Variants in TMEM232 observed in about 807,000 individuals in gnomAD.
The protein encoded by TMEM232 is transmembrane protein 232.
A neutral mutation model predicts 78.8 loss-of-function variants in TMEM232; 80 were observed. The ratio of observed to expected loss-of-function variants is 1.01; its 90% CI spans 0.85 to 1.22. TMEM232 has a LOEUF of 1.22. TMEM232 is among the 50% of genes most tolerant of loss of function. The pLI, the probability that TMEM232 is intolerant of heterozygous loss-of-function variation, is 0.00. For synonymous variants in TMEM232, 297 were observed against 254.3 expected, an observed-to-expected ratio of 1.17 and a Z score of -1.60; for missense variants, 881 against 742.2, an observed-to-expected ratio of 1.19 and a Z score of -2.17.
intron 12 of TMEM232, among the ~76,000 whole-genome samples, chr5:110,526,520 C>T (rs1770628265): frequency 6.6e-6 from 1 of 151,840 alleles, no homozygotes; most frequent in African/African-American, 2.4e-5. Flanking sequence ...CCATATTTTA[C>T]CTCTCAGATT....
intron 1 of TMEM232, among the ~76,000 whole-genome samples, chr5:110,691,553 C>A (rs1334066775): frequency 2.0e-5 from 3 of 152,158 alleles, no homozygotes; most frequent in Non-Finnish European, 4.4e-5. Flanking sequence ...TTCAGGTTAG[C>A]CATATGCATA....
intron 10 of TMEM232, among the ~76,000 whole-genome samples, chr5:110,585,172 G>A (rs893512878): frequency 6.6e-6 from 1 of 152,064 alleles, no homozygotes; most frequent in Non-Finnish European, 1.5e-5. Context: ...AAGTTCCAGC[G>A]TGTGTTTTTA....
chr5:110,390,230 A>G (rs1161863579), intron 4 of TMEM232, among the ~76,000 whole-genome samples: 1 of 152,212 alleles, frequency 6.6e-6, no homozygotes, highest in Non-Finnish European at 1.5e-5. Flanking sequence ...AATGGGAATT[A>G]TAAGGTTTGA....
chr5:110,420,782 A>ACAAT, intron 13 of TMEM232, 26 bp from the exon 14 acceptor site: 1 of 1,486,558 alleles, frequency 6.7e-7, no homozygotes, highest in Non-Finnish European at 8.8e-7. Flanking sequence ...AACGTCATTC[A>ACAAT]CATGATTTTC....
chr5:110,725,550 G>A (rs1389097626), intron 1 of TMEM232: 1 of 152,104 alleles, frequency 6.6e-6, no homozygotes, highest in Non-Finnish European at 1.5e-5. Flanking sequence ...AGATCATAAG[G>A]GTCCATGCAG....
chr5:110,634,638 A>G (rs1441036829), intron 5 of TMEM232, among the ~76,000 whole-genome samples: 1 of 152,042 alleles, frequency 6.6e-6, no homozygotes, highest in Non-Finnish European at 1.5e-5. Context: ...TAAAAAAAAA[A>G]GTTTTGAAAC....
At chr5:110,673,049 A>T (rs1179857559) in intron 1 of TMEM232, among the ~76,000 whole-genome samples, 1 of 152,184 alleles carries the variant, frequency 6.6e-6, no homozygotes, top group African/African-American at 2.4e-5. Context: ...ACTTGGAACC[A>T]ACCCAAATGT....
chr5:110,509,335 TGA>T lies in TMEM232; in HGVS notation c.1703+19251_1703+19252del, dbSNP rs756731288. ...CTGTACTCCTAGCTACTCAGGAGGC[TGA>T]GAGGCAGGAGGATCTCATGGGCCCA... On this transcript the variant is annotated intron_variant, in intron 12 of 13. Transcript: ENST00000455884. 7.9e-5 allele frequency among the ~76,000 whole-genome samples: 12 copies of T among 152,168 alleles called. No individual in the cohort carries two copies. In the East Asian group the frequency reaches 2.1e-3, roughly 27 times the overall value.
chr5:110,663,713 T>C (rs548384012), intron 2 of TMEM232, among the ~76,000 whole-genome samples: 6 of 151,708 alleles, frequency 4.0e-5, no homozygotes, highest in Non-Finnish European at 5.9e-5. Context: ...CATACTCTTA[T>C]AGACTGGGGA....
intron 11 of TMEM232, among the ~76,000 whole-genome samples, chr5:110,561,416 T>G (rs949840349): frequency 1.3e-5 from 2 of 152,012 alleles, no homozygotes; most frequent in African/African-American, 4.8e-5. Flanking sequence ...TATATATGTA[T>G]ATATAAAATA....
chr5:110,593,084 AATG>A (rs1342597463), intron 10 of TMEM232, among the ~76,000 whole-genome samples: 3 of 152,192 alleles, frequency 2.0e-5, no homozygotes, highest in African/African-American at 7.2e-5. Context: ...ATGAGAAAAC[AATG>A]ACCAAGAATG....
chr5:110,573,573 T>C (rs1371612990), intron 10 of TMEM232, among the ~76,000 whole-genome samples: 1 of 152,098 alleles, frequency 6.6e-6, no homozygotes, highest in Non-Finnish European at 1.5e-5. Context: ...GTATACTTAA[T>C]TCCAATGGAC....
At chr5:110,636,565 TAAGGTAAAAATTAGTA>T (rs1167779203) in intron 5 of TMEM232, among the ~76,000 whole-genome samples, 1 of 151,758 alleles carries the variant, frequency 6.6e-6, no homozygotes, top group Non-Finnish European at 1.5e-5. Flanking sequence ...GAAGAAAAAA[TAAGGTAAAAATTAGTA>T]AATCTGAGAA....
intron 2 of TMEM232, among the ~76,000 whole-genome samples, chr5:110,663,225 A>G (rs1017433087): frequency 1.3e-5 from 2 of 152,126 alleles, no homozygotes; most frequent in Admixed American, 1.3e-4. Context: ...TGATATAGCT[A>G]CACTCAACAT....
intron 10 of TMEM232, among the ~76,000 whole-genome samples, chr5:110,587,435 A>G (rs1003007870): frequency 6.6e-6 from 1 of 152,018 alleles, no homozygotes; most frequent in African/African-American, 2.4e-5. Flanking sequence ...TACCGTGACT[A>G]TTAAAACTTG....
At chr5:110,700,946 T>C (rs1561538500) in intron 1 of TMEM232, among the ~76,000 whole-genome samples, 1 of 151,884 alleles carries the variant, frequency 6.6e-6, no homozygotes, top group African/African-American at 2.4e-5. Context: ...ATATTAGGGG[T>C]ATCTAATCAA....
intron 12 of TMEM232, among the ~76,000 whole-genome samples, chr5:110,502,537 A>C (rs1345370288): frequency 1.3e-5 from 2 of 152,194 alleles, no homozygotes; most frequent in Non-Finnish European, 2.9e-5. Flanking sequence ...TCTCTTTAAT[A>C]GGCAAATTGG....
At chr5:110,629,803 G>C (rs1784890406) in intron 5 of TMEM232, among the ~76,000 whole-genome samples, 1 of 152,098 alleles carries the variant, frequency 6.6e-6, no homozygotes, top group Admixed American at 6.6e-5. Context: ...ATATAAAACT[G>C]TTGCTGCTTA....
At chr5:110,722,414 T>C (rs1395563454) in intron 1 of TMEM232, among the ~76,000 whole-genome samples, 2 of 152,144 alleles carry the variant, frequency 1.3e-5, no homozygotes, top group African/African-American at 4.8e-5. Context: ...CTAAGTTCAG[T>C]CAGTCCTGTC....
Sources: allele counts gnomAD v4.1 joint callset (sites outside exome capture counted in the v4.1 genomes callset), GRCh38; gene constraint gnomAD v4.1.1; transcripts MANE v1.5; gene names NCBI Gene and HGNC (gene_info 2026-07-23, HGNC 2026-07-21).